The following EXD2 variants were observed in gnomAD, a reference collection of about 807,000 sequenced individuals.
EXD2 encodes the protein exonuclease 3'-5' domain-containing protein 2.
Under a neutral mutation model 62.5 loss-of-function variants are expected in EXD2, and 40 were observed. The observed-to-expected ratio is 0.64, with a 90% CI of 0.50 to 0.83. The LOEUF is 0.83. EXD2 is among the 40% of genes least tolerant of loss of function. The pLI, the probability that EXD2 is intolerant of heterozygous loss-of-function variation, is 0.00. For missense variants in EXD2, 671 were observed against 761.8 expected (o/e 0.88, Z 1.40); for synonymous variants, 239 against 291.9 (o/e 0.82, Z 1.85).
At chr14:69,228,208 T>G (rs980740003) in intron 3 of EXD2, among the ~76,000 whole-genome samples, 2 of 82,008 alleles carry the variant, frequency 2.4e-5, no homozygotes, top group Non-Finnish European at 4.5e-5. Flanking sequence ...TTTTTTTTTT[T>G]GAGACAGAGT....
At chr14:69,201,937 C>T (rs1235162787) in intron 1 of EXD2, among the ~76,000 whole-genome samples, 1 of 151,972 alleles carries the variant, frequency 6.6e-6, no homozygotes, top group Non-Finnish European at 1.5e-5. Flanking sequence ...CTGCCTCGGC[C>T]TCCCAAAGTG....
chr14:69,231,955 T>C (rs2043599721), intron 5 of EXD2, among the ~76,000 whole-genome samples: 1 of 146,944 alleles, frequency 6.8e-6, no homozygotes, highest in South Asian at 2.3e-4. Context: ...CTGTCTTTTC[T>C]CTCAGGTGAC....
chr14:69,230,657 T>G, intron 5 of EXD2, 59 bp downstream of exon 5: 1 of 1,537,004 alleles, frequency 6.5e-7, no homozygotes, highest in Non-Finnish European at 8.8e-7. Context: ...GTATAACTGT[T>G]TATAAAATTC....
chr14:69,236,170 C>T lies in EXD2; in HGVS notation c.1156+18C>T. 6.3e-7 allele frequency: 1 copy of T among 1,598,374 alleles called. No homozygotes were observed. The highest frequency in any genetic ancestry group is 1.1e-5 in the South Asian group (1 of 90,788). On this transcript the variant is annotated intron_variant, in intron 7 of 9. Transcript: ENST00000685843. ...CATTGGTGGTATGAGATTCAGCTGT[C>T]CTTGTTTATCTCTAATTAGGTGCAT...
At chr14:69,221,635 G>T (rs1487522825) in intron 3 of EXD2, among the ~76,000 whole-genome samples, 4 of 151,888 alleles carry the variant, frequency 2.6e-5, no homozygotes, top group Non-Finnish European at 5.9e-5. Context: ...TGGCATGGTG[G>T]TGTGAGTCTT....
At position 69,242,430 on chromosome 14, in the gene EXD2, C is replaced by T. The variant is rs1006245764; in HGVS notation, c.*1330C>T. 8 of 159,746 alleles carry T rather than the reference C, an allele frequency of 5.0e-5. No individual in the cohort carries two copies. The highest frequency in any genetic ancestry group is 1.9e-4 in the African/African-American group (8 of 41,780). The allele number at this position is 159,746 out of a possible 1,614,324, so 9.9% of individuals were successfully genotyped here. ...CATTCCTAGGGGAGGGGCTATTTAT[C>T]CTACAGGTCCCTGCCTCCTGGCAGT... On this transcript the variant is annotated 3_prime_UTR_variant, in exon 10 of 10. Transcript: ENST00000685843.
At chr14:69,207,529 T>TAGTAATAGTAATAAAATAGTAATA (rs1328155023) in intron 2 of EXD2, among the ~76,000 whole-genome samples, 1 of 152,132 alleles carries the variant, frequency 6.6e-6, no homozygotes, top group Admixed American at 6.6e-5. Flanking sequence ...ATGAAACTTT[T>TAGTAATAGTAATAAAATAGTAATA]AAATAGTAAT....
rs114173600 is a variant in EXD2 at position 69,195,356 on chromosome 14, C to T, written c.-132+3765C>T. Among the ~76,000 whole-genome samples, 1,467 of 152,300 alleles carry T rather than the reference C, an allele frequency of 9.6e-3. 25 individuals are homozygous for T. The highest frequency in any genetic ancestry group is 0.034 in the African/African-American group (1,408 of 41,556). On this transcript the variant is annotated intron_variant, in intron 1 of 9. Coordinates refer to ENST00000685843, the MANE Select transcript of EXD2 (RefSeq NM_001193360.2). The stretch of plus-strand genomic sequence containing the variant: ...GGGACTACAGGTGTGTACCACCACA[C>T]TGGCTAATTTTTGTATTGTTTATAG...
chr14:69,234,822 C>A lies in EXD2; in HGVS notation c.840C>A (p.Val280=). The part of the protein sequence containing the change: ...KNDDHSSWRK[V]LEKCQGVVDI... ...ATGACCACAGTAGCTGGAGAAAAGTCTTGGAAAAATGCCAGGGTGTGGTCG... is the reference window on the plus strand; with the variant it reads ...ATGACCACAGTAGCTGGAGAAAAGTATTGGAAAAATGCCAGGGTGTGGTCG... The change falls in exon 6 of 10, where the codon GTC becomes GTA. Residue 280 remains valine (V), a synonymous_variant. Transcript: ENST00000685843. 1.2e-6 allele frequency: 2 copies of A among 1,614,140 alleles called. No homozygotes were observed. The highest frequency in any genetic ancestry group is 1.7e-6 in the Non-Finnish European group (2 of 1,180,030).
rs11446992 is a variant in EXD2 at position 69,208,210 on chromosome 14, ATTTTTTTTT to A, written c.-47-1204_-47-1196del. Among the ~76,000 whole-genome samples, 15 of 112,562 alleles carry A rather than the reference ATTTTTTTTT, an allele frequency of 1.3e-4. No individual in the cohort carries two copies. In the South Asian group the frequency reaches 3.9e-3, roughly 30 times the overall value. 73.8% of individuals were successfully genotyped at this position (112,562 alleles called of 152,430 possible). A position where few individuals can be genotyped will look rare whatever the true frequency, so the allele number is the denominator to read the frequency against. On this transcript the variant is annotated intron_variant, in intron 2 of 9. Transcript: ENST00000685843. ...ACTGCACCTGGCCAGGCCACTTACTATTTTTTTTTTTTTTTTTTGAGACGGAGTCTCACT... is the reference window on the plus strand; with the variant it reads ...ACTGCACCTGGCCAGGCCACTTACTATTTTTTTTTGAGACGGAGTCTCACT...
chr14:69,198,990 TCC>T (rs2042299580), intron 1 of EXD2, among the ~76,000 whole-genome samples: 1 of 152,226 alleles, frequency 6.6e-6, no homozygotes. Context: ...ACGCCTATAA[TCC>T]CAGTACTTTG....
intron 9 of EXD2, among the ~76,000 whole-genome samples, chr14:69,240,153 G>A (rs928216095): frequency 5.9e-5 from 9 of 152,340 alleles, no homozygotes; most frequent in East Asian, 1.9e-4. Context: ...GGGTATGGAT[G>A]TAGGGAGAGG....
chr14:69,214,306 T>C (rs1295737859), intron 3 of EXD2, among the ~76,000 whole-genome samples: 1 of 152,198 alleles, frequency 6.6e-6, no homozygotes, highest in Non-Finnish European at 1.5e-5. Context: ...GATAATAGGA[T>C]TGATGTTTTA....
rs535847945 is a variant in EXD2 at position 69,241,346 on chromosome 14, G to A, written c.*246G>A. ...ATTTTTGTGGACAAGAGAGGCCTTCGCCTTTATTTTTACTCTCCCTCTTCT... is the reference window on the plus strand; with the variant it reads ...ATTTTTGTGGACAAGAGAGGCCTTCACCTTTATTTTTACTCTCCCTCTTCT... On this transcript the variant is annotated 3_prime_UTR_variant, in exon 10 of 10. Transcript: ENST00000685843. 54 of 451,374 alleles carry A rather than the reference G, an allele frequency of 1.2e-4. No individual in the cohort carries two copies. Among genetic ancestry groups the A allele is most frequent in the African/African-American group, 7.6e-4 (39 of 51,540 alleles). The allele number at this position is 451,374 out of a possible 1,614,324, so 28.0% of individuals were successfully genotyped here.
At chr14:69,221,110 C>T (rs2043171298) in intron 3 of EXD2, among the ~76,000 whole-genome samples, 1 of 152,124 alleles carries the variant, frequency 6.6e-6, no homozygotes, top group African/African-American at 2.4e-5. Flanking sequence ...CTCAAGCAGT[C>T]CTTCTGCCTC....
chr14:69,198,431 C>T (rs559584526), intron 1 of EXD2, among the ~76,000 whole-genome samples: 1 of 152,190 alleles, frequency 6.6e-6, no homozygotes, highest in Admixed American at 6.5e-5. Flanking sequence ...TGCTCTCCTC[C>T]AGGCTAGCAC....
intron 2 of EXD2, among the ~76,000 whole-genome samples, chr14:69,206,455 CTTTTTTTTTT>C (rs56333403): frequency 0.35 from 33,241 of 94,308 alleles, 8,792 homozygotes; most frequent in East Asian, 0.92. Flanking sequence ...CACCCACCCA[CTTTTTTTTTT>C]TTTTTTTTTT....
At chr14:69,232,018 C>T (rs970984181) in intron 5 of EXD2, among the ~76,000 whole-genome samples, 1 of 151,764 alleles carries the variant, frequency 6.6e-6, no homozygotes, top group African/African-American at 2.4e-5. Context: ...AGTGTAAGTC[C>T]CACTGCCTAT....
At chr14:69,226,069 C>G (rs1383219983) in intron 3 of EXD2, among the ~76,000 whole-genome samples, 2 of 152,086 alleles carry the variant, frequency 1.3e-5, no homozygotes, top group Non-Finnish European at 2.9e-5. Flanking sequence ...TGAGACCTGA[C>G]TGTAAAGAGG....
Sources: gnomAD v4.1 joint callset for allele counts (sites outside exome capture counted in the v4.1 genomes callset) on GRCh38, gnomAD v4.1.1 for gene constraint, MANE v1.5 for transcripts, NCBI Gene and HGNC (gene_info 2026-07-23, HGNC 2026-07-21) for gene names.